The following AGPAT3 variants were observed in gnomAD, a reference collection of about 807,000 sequenced individuals.
The protein encoded by AGPAT3 is 1-acylglycerol-3-phosphate O-acyltransferase 3, also known as 1-acyl-sn-glycerol-3-phosphate acyltransferase gamma.
A neutral mutation model predicts 47.3 loss-of-function variants in AGPAT3; 5 were observed. The ratio of observed to expected loss-of-function variants is 0.11; its 90% CI spans 0.06 to 0.22. AGPAT3 has a LOEUF of 0.22. AGPAT3 is among the 10% of genes least tolerant of loss of function. The pLI is 1.00. For missense variants in AGPAT3, 315 were observed against 493.0 expected, an observed-to-expected ratio of 0.64 and a Z score of 3.42; for synonymous variants, 212 against 208.3, an observed-to-expected ratio of 1.02 and a Z score of -0.15.
Position 43,971,463 on chromosome 21 carries a change from A to G in AGPAT3, c.740A>G (p.Lys247Arg), listed in dbSNP as rs758782915. 1.2e-6 allele frequency: 2 copies of G among 1,614,226 alleles called. No homozygotes were observed. The highest frequency in any genetic ancestry group is 2.2e-5 in the South Asian group (2 of 91,088). The change falls in exon 7 of 10, where the codon AAG (lysine) becomes AGG (arginine). Residue 247 changes from lysine to arginine, a missense_variant. Physicochemically the swap from Lys to Arg is conservative, Grantham distance 26. Coordinates refer to ENST00000291572, the MANE Select transcript of AGPAT3 (RefSeq NM_020132.5). ...NPSLLGILYGKKYEADMCVRR... is the reference protein window; with the variant it reads ...NPSLLGILYGRKYEADMCVRR... The stretch of plus-strand genomic sequence containing the variant: ...TCCCTGCTGGGGATCCTCTACGGGA[A>G]GAAGTACGAGGCGGACATGTGCGTG...
chr21:43,909,720 G>C (rs917731958), intron 2 of AGPAT3, among the ~76,000 whole-genome samples: 1 of 152,168 alleles, frequency 6.6e-6, no homozygotes, highest in East Asian at 1.9e-4. Context: ...CTCTGCCCTC[G>C]TTGCAGGAGA....
intron 1 of AGPAT3, among the ~76,000 whole-genome samples, chr21:43,877,911 C>G (rs993319483): frequency 6.6e-6 from 1 of 152,174 alleles, no homozygotes; most frequent in East Asian, 1.9e-4. Flanking sequence ...TCCCACACCC[C>G]CTTCCCCATC....
intron 3 of AGPAT3, among the ~76,000 whole-genome samples, chr21:43,960,979 A>T (rs2088804156): frequency 6.6e-6 from 1 of 152,072 alleles, no homozygotes; most frequent in African/African-American, 2.4e-5. Flanking sequence ...TGTCTCTACT[A>T]AAAATACAAA....
Position 43,978,043 on chromosome 21 carries a change from C to T in AGPAT3, c.768-3C>T. 6.2e-7 allele frequency: 1 copy of T among 1,611,660 alleles called. No homozygotes were observed. The highest frequency in any genetic ancestry group is 8.5e-7 in the Non-Finnish European group (1 of 1,178,640). ...CCTACCTTGAATCTTCTTCATAAAA[C>T]AGGAGATTTCCTCTGGAAGACATCC... On this transcript the variant is annotated splice_polypyrimidine_tract_variant and splice_region_variant and intron_variant, in intron 7 of 9. Transcript: ENST00000291572.
chr21:43,929,347 G>A (rs2087163847), intron 2 of AGPAT3, among the ~76,000 whole-genome samples: 1 of 152,220 alleles, frequency 6.6e-6, no homozygotes, highest in Admixed American at 6.5e-5. Flanking sequence ...GTCCCCATGT[G>A]GATTGGAAGG....
rs767477834 is a variant in AGPAT3, at chr21:43,949,146, G to T, written c.-48-10488G>T. ...TCAGTATGTCTAGTTCTGGGGCTGG[G>T]GGGGAGCTTTTGCTATTTTAATTAG... On this transcript the variant is annotated intron_variant, in intron 2 of 9. Coordinates refer to ENST00000291572, the MANE Select transcript of AGPAT3 (RefSeq NM_020132.5). 2.0e-4 allele frequency among the ~76,000 whole-genome samples: 30 copies of T among 152,288 alleles called. No individual in the cohort carries two copies. In the East Asian group the frequency reaches 5.2e-3, roughly 26 times the overall value.
Position 43,920,681 on chromosome 21 carries a change from G to C in AGPAT3, c.-49+16662G>C, listed in dbSNP as rs1056993176. Among the ~76,000 whole-genome samples the C allele has an allele frequency of 2.6e-5, 4 of 151,068 alleles. No individual in the cohort carries two copies. In the East Asian group the frequency reaches 7.8e-4, roughly 29 times the overall value. On this transcript the variant is annotated intron_variant, in intron 2 of 9. Transcript: ENST00000291572. This position sits in a 1 kb window ranked among gnomAD's most constrained non-coding sequence, Gnocchi z 6.1. ...ATGAAGCCTCCACAGACTCCCTCAA[G>C]GACAGCGTTTGGGGGCTTGCAGGCT... is the stretch of plus-strand genomic sequence containing the variant.
chr21:43,887,019 A>G (rs1285823712), intron 1 of AGPAT3, among the ~76,000 whole-genome samples: 2 of 152,200 alleles, frequency 1.3e-5, no homozygotes, highest in South Asian at 2.1e-4. Flanking sequence ...GGAACCTCCA[A>G]ACTGCTCTCA....
intron 2 of AGPAT3, among the ~76,000 whole-genome samples, chr21:43,953,755 G>A (rs77819233): frequency 0.019 from 2,838 of 152,308 alleles, 41 homozygotes; most frequent in Non-Finnish European, 0.031. Flanking sequence ...ACATTGGAGA[G>A]AAAGAAAAAC....
chr21:43,978,561 G>A (rs949892697), intron 8 of AGPAT3, among the ~76,000 whole-genome samples: 2 of 152,176 alleles, frequency 1.3e-5, no homozygotes, highest in African/African-American at 4.8e-5. Context: ...TTCTGGCCTC[G>A]GCCTCCCAAA....
Position 43,908,978 on chromosome 21 carries a change from G to A in AGPAT3, c.-49+4959G>A, listed in dbSNP as rs2086566966. 6.6e-6 allele frequency among the ~76,000 whole-genome samples: 1 copy of A among 152,214 alleles called. No homozygotes were observed. Among genetic ancestry groups the A allele is most frequent in the Admixed American group, 6.5e-5 (1 of 15,282 alleles). ...TACGTGCCCTGTCACAGCCAGCCCT[G>A]CCCTGGAGAGAGAGGCCACTGGGAA... On this transcript the variant is annotated intron_variant, in intron 2 of 9. Transcript: ENST00000291572. The surrounding 1 kb of genome is among the most constrained non-coding windows in gnomAD (Gnocchi z 4.9).
chr21:43,961,381 A>G (rs1240221413), intron 3 of AGPAT3, among the ~76,000 whole-genome samples: 1 of 151,706 alleles, frequency 6.6e-6, no homozygotes, highest in Non-Finnish European at 1.5e-5. Context: ...CACGTGAGAA[A>G]TGGTGAACCC....
chr21:43,935,977 A>G (rs762393828), intron 2 of AGPAT3, among the ~76,000 whole-genome samples: 2 of 152,168 alleles, frequency 1.3e-5, no homozygotes, highest in Non-Finnish European at 2.9e-5. Flanking sequence ...AGTGTAGAAC[A>G]GTAGCGGAGC....
At chr21:43,879,008 A>G (rs945835477) in intron 1 of AGPAT3, among the ~76,000 whole-genome samples, 6 of 152,152 alleles carry the variant, frequency 3.9e-5, no homozygotes, top group African/African-American at 1.2e-4. Flanking sequence ...CTAAAGTGCT[A>G]GGATTACAGG....
chr21:43,957,759 C>G (rs994901752), intron 2 of AGPAT3, among the ~76,000 whole-genome samples: 1 of 149,922 alleles, frequency 6.7e-6, no homozygotes, highest in African/African-American at 2.5e-5. Flanking sequence ...CCCCTCCACA[C>G]GGGGGTCTCG....
chr21:43,877,781 T>G (rs928057337), intron 1 of AGPAT3, among the ~76,000 whole-genome samples: 1 of 152,166 alleles, frequency 6.6e-6, no homozygotes, highest in Non-Finnish European at 1.5e-5. Flanking sequence ...TGAGGATATC[T>G]TCCCAGCAGG....
At chr21:43,953,124 T>C (rs1166988512) in intron 2 of AGPAT3, among the ~76,000 whole-genome samples, 4 of 152,062 alleles carry the variant, frequency 2.6e-5, no homozygotes, top group African/African-American at 9.7e-5. Flanking sequence ...AAATCCAGGG[T>C]GTGGGGCACG....
chr21:43,926,636 CTT>C (rs557494803), intron 2 of AGPAT3, among the ~76,000 whole-genome samples: 26 of 86,536 alleles, frequency 3.0e-4, no homozygotes, highest in African/African-American at 1.2e-3. Flanking sequence ...CTACGCTGGC[CTT>C]TTTTTTTTTT....
chr21:43,872,634 C>T (rs375275482), intron 1 of AGPAT3, among the ~76,000 whole-genome samples: 3 of 152,166 alleles, frequency 2.0e-5, no homozygotes, highest in Admixed American at 6.5e-5. Flanking sequence ...TAGACATTCA[C>T]GTCATGTGGG....
Sources: gnomAD v4.1 joint callset for allele counts (sites outside exome capture counted in the v4.1 genomes callset) on GRCh38, gnomAD v4.1.1 for gene constraint, Gnocchi (gnomAD v3.1) non-coding constraint, MANE v1.5 for transcripts, NCBI Gene and HGNC (gene_info 2026-07-23, HGNC 2026-07-21) for gene names.